The following RIPK1 variants were observed in gnomAD, a reference collection of about 807,000 sequenced individuals.
RIPK1 encodes receptor interacting serine/threonine kinase 1, also known as receptor-interacting serine/threonine-protein kinase 1.
In RIPK1, 27 loss-of-function variants were observed where a neutral mutation model predicts 62.4. That is an observed-to-expected ratio of 0.43 (90% confidence interval 0.32 to 0.60). RIPK1 has a LOEUF of 0.60. Among genes scored for constraint, RIPK1 ranks in the 20% least tolerant of loss-of-function variants. The pLI, the probability that RIPK1 is intolerant of heterozygous loss-of-function variation, is 0.07. For missense variants in RIPK1, 735 were observed against 831.0 expected, an observed-to-expected ratio of 0.88 and a Z score of 1.42; for synonymous variants, 287 against 303.2, an observed-to-expected ratio of 0.95 and a Z score of 0.55.
Position 3,072,636 on chromosome 6 carries a change from C to T in RIPK1, c.-61+3975C>T, listed in dbSNP as rs1444631095. Reference sequence around the variant, plus strand: ...TGGAGATGGTGCACAAGACAAGTTTCCTGCCTTCTGTGAACTTCATGAGAA... The same window carrying T: ...TGGAGATGGTGCACAAGACAAGTTTTCTGCCTTCTGTGAACTTCATGAGAA... On this transcript the variant is annotated intron_variant, in intron 1 of 10. Transcript: ENST00000259808. This position sits in a 1 kb window ranked among gnomAD's most constrained non-coding sequence, Gnocchi z 5.6. Among the ~76,000 whole-genome samples, 1 of 152,134 alleles carries T rather than the reference C, an allele frequency of 6.6e-6. No individual in the cohort carries two copies. The highest frequency in any genetic ancestry group is 1.5e-5 in the Non-Finnish European group (1 of 68,032).
chr6:3,077,540 T>C (rs960331906), intron 2 of RIPK1, among the ~76,000 whole-genome samples: 1 of 152,182 alleles, frequency 6.6e-6, no homozygotes, highest in Non-Finnish European at 1.5e-5. Context: ...CATTCATTGA[T>C]TCATTCATTC....
Position 3,090,469 on chromosome 6 carries a change from C to T in RIPK1, c.915+812C>T, listed in dbSNP as rs116923691. Among the ~76,000 whole-genome samples the T allele has an allele frequency of 5.6e-4, 85 of 150,848 alleles. 2 individuals carry two copies. The East Asian group carries it at 0.015, about 26-fold the overall frequency. On this transcript the variant is annotated intron_variant, in intron 7 of 10. Transcript: ENST00000259808. The stretch of plus-strand genomic sequence containing the variant: ...TAAGGCAAAAAATCATTCCCTCAAA[C>T]AATCAGGAATATTTCATAATGATAA...
intron 1 of RIPK1, among the ~76,000 whole-genome samples, chr6:3,069,046 G>A (rs1758548262): frequency 6.6e-6 from 1 of 152,236 alleles, no homozygotes; most frequent in Non-Finnish European, 1.5e-5. Context: ...GAGTCCGCTG[G>A]CCGCCTCTGT....
In RIPK1 at chr6:3,112,222, G is replaced by A. The variant is rs561106593; in HGVS notation, c.1730-831G>A. On this transcript the variant is annotated intron_variant, in intron 10 of 10. Coordinates refer to ENST00000259808, the MANE Select transcript of RIPK1 (RefSeq NM_001354930.2). ...ACCTCGTCGCTTGAAAGACAAGGAAGGCTTTGTAACTGAATGGGTTCACGC... is the reference window on the plus strand; with the variant it reads ...ACCTCGTCGCTTGAAAGACAAGGAAAGCTTTGTAACTGAATGGGTTCACGC... Among the ~76,000 whole-genome samples, 3 of 152,250 alleles carry A rather than the reference G, an allele frequency of 2.0e-5. No homozygotes were observed. The East Asian group carries it at 5.8e-4, about 29-fold the overall frequency.
chr6:3,085,576 C>T (rs1236049440), intron 6 of RIPK1, among the ~76,000 whole-genome samples, 168 bp downstream of exon 6: 3 of 152,066 alleles, frequency 2.0e-5, no homozygotes, highest in Non-Finnish European at 4.4e-5. Flanking sequence ...CAAAGAAGCC[C>T]TCTCTCTCAA....
intron 7 of RIPK1, among the ~76,000 whole-genome samples, chr6:3,102,811 TC>T (rs1019999831): frequency 6.6e-6 from 1 of 152,038 alleles, no homozygotes; most frequent in African/African-American, 2.4e-5. Flanking sequence ...CACCATGTTG[TC>T]CAGGCTGGTC....
chr6:3,095,016 C>T (rs1465605623), intron 7 of RIPK1, among the ~76,000 whole-genome samples: 1 of 152,018 alleles, frequency 6.6e-6, no homozygotes, highest in Admixed American at 6.6e-5. Context: ...TATGATCATG[C>T]CGCTGCACTC....
intron 7 of RIPK1, among the ~76,000 whole-genome samples, chr6:3,094,013 C>A: frequency 7.8e-6 from 1 of 127,870 alleles, no homozygotes; most frequent in African/African-American, 3.8e-5. Context: ...CTAGTAACTG[C>A]AGCGCGCCTA....
At chr6:3,102,258 A>T (rs1488078277) in intron 7 of RIPK1, among the ~76,000 whole-genome samples, 1 of 152,194 alleles carries the variant, frequency 6.6e-6, no homozygotes, top group Non-Finnish European at 1.5e-5. Context: ...AAAATACCAC[A>T]CCTGACACCT....
rs200184639 is a variant in RIPK1, at chr6:3,106,065, C to T, written c.1576+14C>T. 7 of 1,543,082 alleles carry T rather than the reference C, an allele frequency of 4.5e-6. No homozygotes were observed. The African/African-American group carries it at 5.5e-5, about 12-fold the overall frequency. ...TGCCACCAACAGGTAAATGGGTCTT[C>T]GATAGTCACAAGCTTGTCTTTTTTT... On this transcript the variant is annotated intron_variant, in intron 9 of 10. Transcript: ENST00000259808.
chr6:3,069,480 G>C (rs1361848395), intron 1 of RIPK1, among the ~76,000 whole-genome samples: 1 of 152,078 alleles, frequency 6.6e-6, no homozygotes, highest in Non-Finnish European at 1.5e-5. Flanking sequence ...GGCAGGGGGA[G>C]GTCTGGGGTT....
chr6:3,069,490 TGTTA>T (rs1255058409), intron 1 of RIPK1, among the ~76,000 whole-genome samples: 1 of 152,090 alleles, frequency 6.6e-6, no homozygotes, highest in Non-Finnish European at 1.5e-5. Context: ...GGTCTGGGGT[TGTTA>T]GTTCTTTCTC....
chr6:3,084,912 T>C (rs1759609179), intron 5 of RIPK1, among the ~76,000 whole-genome samples: 1 of 152,132 alleles, frequency 6.6e-6, no homozygotes, highest in African/African-American at 2.4e-5. Context: ...TGAATAGCAA[T>C]GATCACTCTG....
chr6:3,083,454 C>T (rs1443903710), intron 5 of RIPK1, 141 bp downstream of exon 5: 3 of 678,708 alleles, frequency 4.4e-6, no homozygotes, highest in African/African-American at 3.6e-5. Context: ...TGAATAGGAA[C>T]CTCGATAGTG....
intron 4 of RIPK1, 108 bp from the exon 5 acceptor site, chr6:3,082,977 A>G: frequency 9.3e-7 from 1 of 1,073,914 alleles, no homozygotes; most frequent in South Asian, 1.4e-5. Context: ...CCATTTCTGG[A>G]AAATTTACCG....
chr6:3,111,980 C>G (rs1308486926), intron 10 of RIPK1, among the ~76,000 whole-genome samples: 1 of 152,120 alleles, frequency 6.6e-6, no homozygotes, highest in Non-Finnish European at 1.5e-5. Context: ...TCCTTATATT[C>G]TGTTTAATGA....
rs1162203853 is a variant in RIPK1 at position 3,110,650 on chromosome 6, G to C, written c.1577-153G>C. 4.0e-5 allele frequency among the ~76,000 whole-genome samples: 6 copies of C among 151,678 alleles called. No homozygotes were observed. In the East Asian group the frequency reaches 1.2e-3, roughly 29 times the overall value. On this transcript the variant is annotated intron_variant, in intron 9 of 10. Transcript: ENST00000259808. ...ATAGGCATCCTAATGGGTATGAGGT[G>C]GTTTAGCCAGATTTGAAAGAAGAAA...
At chr6:3,081,860 TAAA>T (rs58330257) in intron 4 of RIPK1, among the ~76,000 whole-genome samples, 2 of 22,850 alleles carry the variant, frequency 8.8e-5, no homozygotes, top group African/African-American at 2.3e-4. Context: ...AACTCTGCCT[TAAA>T]AAAAAAAAAA....
At chr6:3,065,974 C>T (rs997215642), upstream of RIPK1, among the ~76,000 whole-genome samples, 4 of 152,200 alleles carry the variant, frequency 2.6e-5, no homozygotes, top group African/African-American at 9.7e-5. Flanking sequence ...CAGTGATGGG[C>T]AATAACTTTT....
Sources: gnomAD v4.1 joint callset for allele counts (sites outside exome capture counted in the v4.1 genomes callset) on GRCh38, gnomAD v4.1.1 for gene constraint, Gnocchi (gnomAD v3.1) non-coding constraint, MANE v1.5 for transcripts, NCBI Gene and HGNC (gene_info 2026-07-23, HGNC 2026-07-21) for gene names.